The following SOX6 variants were observed in gnomAD, a reference collection of about 807,000 sequenced individuals.
The protein encoded by SOX6 is transcription factor SOX-6.
Under a neutral mutation model 97.8 loss-of-function variants are expected in SOX6, and 11 were observed. The observed-to-expected ratio is 0.11, with a 90% CI of 0.07 to 0.19. SOX6 has a LOEUF of 0.19. Ranked by LOEUF, SOX6 falls within the 10% of genes least tolerant of loss-of-function variation. The pLI is 1.00. For synonymous variants in SOX6, 360 were observed against 371.4 expected (o/e 0.97, Z 0.35); for missense variants, 810 against 1,039.5 (o/e 0.78, Z 3.04).
intron 3 of SOX6, among the ~76,000 whole-genome samples, chr11:16,704,584 C>G (rs149055546): frequency 7.2e-5 from 11 of 152,260 alleles, no homozygotes; most frequent in Non-Finnish European, 1.3e-4. Flanking sequence ...GCCAGGTATT[C>G]AACAAATACA....
chr11:16,287,700 G>T (rs1405866051), intron 3 of SOX6, among the ~76,000 whole-genome samples: 1 of 151,944 alleles, frequency 6.6e-6, no homozygotes, highest in Non-Finnish European at 1.5e-5. Flanking sequence ...GCATGCAAAA[G>T]CCCTTTGCAA....
intron 4 of SOX6, among the ~76,000 whole-genome samples, chr11:16,520,882 C>T (rs1465639729): frequency 6.6e-6 from 1 of 152,232 alleles, no homozygotes; most frequent in African/African-American, 2.4e-5. Flanking sequence ...ATTGCTAGCA[C>T]AGCAGTGTGA....
chr11:16,030,650 T>G (rs1223400365), intron 12 of SOX6, among the ~76,000 whole-genome samples: 2 of 152,190 alleles, frequency 1.3e-5, no homozygotes, highest in Non-Finnish European at 2.9e-5. Flanking sequence ...CTCATTGTAT[T>G]ATGCTGATCT....
chr11:16,278,714 T>C (rs1416824540), intron 3 of SOX6, among the ~76,000 whole-genome samples: 1 of 152,028 alleles, frequency 6.6e-6, no homozygotes, highest in Non-Finnish European at 1.5e-5. Flanking sequence ...AACTTGAACA[T>C]GGATGAAGAG....
intron 2 of SOX6, among the ~76,000 whole-genome samples, chr11:16,338,860 T>C (rs1035375960): frequency 1.3e-5 from 2 of 152,048 alleles, no homozygotes; most frequent in African/African-American, 4.8e-5. Context: ...AAATTTTAGA[T>C]CATAAAAGTT....
At chr11:16,480,504 A>G (rs560884149), upstream of SOX6, among the ~76,000 whole-genome samples, 28 of 152,264 alleles carry the variant, frequency 1.8e-4, 1 homozygote, top group African/African-American at 6.7e-4. Context: ...TCTACCAAAA[A>G]TAGGTAATAG....
intron 2 of SOX6, among the ~76,000 whole-genome samples, chr11:16,329,234 A>T (rs956224692): frequency 1.3e-5 from 2 of 152,182 alleles, no homozygotes; most frequent in African/African-American, 2.4e-5. Flanking sequence ...CCAGAAAAAA[A>T]ATAACAAACC....
chr11:16,029,233 T>A (rs1008911402), intron 12 of SOX6, among the ~76,000 whole-genome samples: 1 of 152,134 alleles, frequency 6.6e-6, no homozygotes, highest in East Asian at 1.9e-4. Flanking sequence ...AACAAGCACA[T>A]GTTTATTCCT....
chr11:16,283,975 T>A, intron 3 of SOX6: 1 of 375,704 alleles, frequency 2.7e-6, no homozygotes, highest in Non-Finnish European at 5.1e-6. Flanking sequence ...GTTTCTAATA[T>A]CAATATTTAA....
Position 16,289,869 on chromosome 11 carries a change from A to AG in SOX6, c.445+28576dup, listed in dbSNP as rs144921823. Among the ~76,000 whole-genome samples, 57 of 152,164 alleles carry AG rather than the reference A, an allele frequency of 3.7e-4. 1 individual carries two copies. The South Asian group carries it at 9.7e-3, about 26-fold the overall frequency. ...CAAAGAATACCAATACTCATCTTCA[A>AG]GAAAAAAATACAGTGATGAAAATGG... is the stretch of plus-strand genomic sequence containing the variant. On this transcript the variant is annotated intron_variant, in intron 3 of 15. Transcript: ENST00000683767.
chr11:16,349,568 A>G (rs892224094), intron 1 of SOX6, among the ~76,000 whole-genome samples: 2 of 151,806 alleles, frequency 1.3e-5, no homozygotes, highest in South Asian at 2.1e-4. Flanking sequence ...GTGAGCCAAG[A>G]GCGTGCCATT....
intron 3 of SOX6, among the ~76,000 whole-genome samples, chr11:16,673,772 C>G (rs1429916712): frequency 6.6e-6 from 1 of 152,142 alleles, no homozygotes; most frequent in Non-Finnish European, 1.5e-5. Context: ...CAGTATCACC[C>G]TGATACCAAA....
chr11:16,068,670 T>C (rs1363737727), intron 9 of SOX6, among the ~76,000 whole-genome samples: 1 of 152,184 alleles, frequency 6.6e-6, no homozygotes, highest in African/African-American at 2.4e-5. Context: ...TTGCCCCTCC[T>C]GCATATTTTT....
At chr11:16,116,469 C>T (rs16932576) in intron 6 of SOX6, among the ~76,000 whole-genome samples, 16,114 of 151,840 alleles carry the variant, frequency 0.11, 1,762 homozygotes, top group East Asian at 0.37. Flanking sequence ...TGAAGTCATC[C>T]TTTGAAAAAC....
At chr11:16,551,327 C>A (rs1177103593) in intron 4 of SOX6, among the ~76,000 whole-genome samples, 1 of 151,998 alleles carries the variant, frequency 6.6e-6, no homozygotes, top group African/African-American at 2.4e-5. Context: ...TCAGCCCAGG[C>A]AACAGAGTGA....
intron 1 of SOX6, among the ~76,000 whole-genome samples, chr11:16,411,207 C>T (rs1858804509): frequency 6.6e-6 from 1 of 152,160 alleles, no homozygotes; most frequent in Non-Finnish European, 1.5e-5. Context: ...ACCTGTATAA[C>T]TAAGTGTGCA....
At chr11:16,562,788 T>C (rs552212083) in intron 4 of SOX6, among the ~76,000 whole-genome samples, 44 of 152,060 alleles carry the variant, frequency 2.9e-4, no homozygotes, top group Non-Finnish European at 5.4e-4. Flanking sequence ...TGACCAACAG[T>C]AATGAGGCCA....
At chr11:16,410,342 G>A (rs1858778640) in intron 1 of SOX6, among the ~76,000 whole-genome samples, 1 of 152,138 alleles carries the variant, frequency 6.6e-6, no homozygotes, top group Non-Finnish European at 1.5e-5. Flanking sequence ...AAGTGTTTGT[G>A]TAGGTCATGA....
intron 3 of SOX6, among the ~76,000 whole-genome samples, chr11:16,642,243 C>A (rs1025843326): frequency 1.3e-5 from 2 of 152,162 alleles, no homozygotes; most frequent in African/African-American, 4.8e-5. Context: ...CCCCCACTCT[C>A]TTCTGGCTTG....
Sources: gnomAD v4.1 joint callset for allele counts (sites outside exome capture counted in the v4.1 genomes callset) on GRCh38, gnomAD v4.1.1 for gene constraint, MANE v1.5 for transcripts, NCBI Gene and HGNC (gene_info 2026-07-23, HGNC 2026-07-21) for gene names.